STXBP4: variants seen among roughly 807,000 people sequenced by gnomAD.
STXBP4 encodes syntaxin binding protein 4.
In STXBP4, 55 loss-of-function variants were observed where a neutral mutation model predicts 76.1. The observed-to-expected ratio is 0.72, with a 90% CI of 0.58 to 0.91. The LOEUF (loss-of-function observed/expected upper bound fraction) is 0.91, where lower values mean the gene tolerates loss of function less well. STXBP4 is among the 40% of genes least tolerant of loss of function. The probability of loss-of-function intolerance (pLI) is 0.00; values close to 1 mark genes in which losing one functional copy is unlikely to be tolerated. For missense variants in STXBP4, 618 were observed against 636.9 expected (o/e 0.97, Z 0.32); for synonymous variants, 201 against 220.2 (o/e 0.91, Z 0.77).
At chr17:55,014,003 G>A (rs1028479366) in intron 8 of STXBP4, among the ~76,000 whole-genome samples, 4 of 152,146 alleles carry the variant, frequency 2.6e-5, no homozygotes, top group Admixed American at 6.5e-5. Flanking sequence ...GAGGGACAAC[G>A]GCCTCATTGA....
At chr17:55,102,209 GGTGGTT>G (rs1157552153) in intron 16 of STXBP4, among the ~76,000 whole-genome samples, 1 of 151,756 alleles carries the variant, frequency 6.6e-6, no homozygotes, top group African/African-American at 2.4e-5. Flanking sequence ...CACATGCCAT[GGTGGTT>G]TGCTGCAGCC....
intron 16 of STXBP4, among the ~76,000 whole-genome samples, chr17:55,094,518 A>G (rs907102029): frequency 1.3e-5 from 2 of 152,186 alleles, no homozygotes; most frequent in Non-Finnish European, 2.9e-5. Context: ...AAAAAGGATT[A>G]GTAGTGTGTC....
chr17:55,115,658 C>G (rs935961914), intron 16 of STXBP4, among the ~76,000 whole-genome samples: 1 of 151,820 alleles, frequency 6.6e-6, no homozygotes, highest in African/African-American at 2.4e-5. Flanking sequence ...GATACAATTA[C>G]TGCAAAAAGT....
chr17:55,054,121 A>G (rs1451655598), intron 12 of STXBP4, among the ~76,000 whole-genome samples: 3 of 152,178 alleles, frequency 2.0e-5, no homozygotes, highest in African/African-American at 7.2e-5. Context: ...GCTAATTTGT[A>G]TTAGAATTTA....
intron 17 of STXBP4, among the ~76,000 whole-genome samples, chr17:55,149,907 T>C (rs2080195364): frequency 6.6e-6 from 1 of 152,152 alleles, no homozygotes; most frequent in East Asian, 1.9e-4. Flanking sequence ...CAGACCTAAA[T>C]ATTCAGCATC....
intron 12 of STXBP4, among the ~76,000 whole-genome samples, chr17:55,070,584 G>T (rs2079108163): frequency 6.6e-6 from 1 of 152,192 alleles, no homozygotes; most frequent in Non-Finnish European, 1.5e-5. Flanking sequence ...CCTGCTGCCA[G>T]ATTTAGCTTT....
Position 55,023,916 on chromosome 17 carries a change from CAAAAAAAAAA to C in STXBP4, c.667-7237_667-7228del, listed in dbSNP as rs61454264. Among the ~76,000 whole-genome samples the C allele has an allele frequency of 1.3e-4, 8 of 62,232 alleles. No individual in the cohort carries two copies. In the East Asian group the frequency reaches 1.4e-3, roughly 11 times the overall value. The allele number at this position is 62,232 out of a possible 152,430, so 40.8% of individuals were successfully genotyped here. A position where few individuals can be genotyped will look rare whatever the true frequency, so the allele number is the denominator to read the frequency against. On this transcript the variant is annotated intron_variant, in intron 8 of 17. Transcript: ENST00000376352. ...TCTGCAAGGGCTGGTGGCCCTTTTC[CAAAAAAAAAA>C]AAAAAAAAAAAAAAGAAAACACTAG...
intron 7 of STXBP4, among the ~76,000 whole-genome samples, chr17:55,002,646 A>G (rs1431241646): frequency 6.6e-6 from 1 of 152,188 alleles, no homozygotes; most frequent in Non-Finnish European, 1.5e-5. Flanking sequence ...AGACATGAAC[A>G]AAGAGGCCTA....
chr17:54,983,438 A>C (rs1287590143), intron 1 of STXBP4, among the ~76,000 whole-genome samples: 1 of 152,076 alleles, frequency 6.6e-6, no homozygotes, highest in Non-Finnish European at 1.5e-5. Context: ...AAAGATGAGG[A>C]TCTTACTCAC....
In STXBP4 at chr17:55,047,086, T is replaced by C. The variant is rs758847171; in HGVS notation, c.946-3T>C. On this transcript the variant is annotated splice_region_variant and splice_polypyrimidine_tract_variant and intron_variant, in intron 11 of 17. Transcript: ENST00000376352. Reference sequence around the variant, plus strand: ...TTGTTAATTTGGTGGTTTTTAAATATAGGAAAAATTATTGGAATCAGATAA... The same window carrying C: ...TTGTTAATTTGGTGGTTTTTAAATACAGGAAAAATTATTGGAATCAGATAA... The C allele has an allele frequency of 2.5e-6, 4 of 1,592,184 alleles. No homozygotes were observed. Among genetic ancestry groups the C allele is most frequent in the Middle Eastern group, 1.7e-4 (1 of 6,014 alleles).
chr17:55,084,242 C>T (rs918353645), intron 16 of STXBP4, among the ~76,000 whole-genome samples: 9 of 152,156 alleles, frequency 5.9e-5, no homozygotes, highest in African/African-American at 2.2e-4. Flanking sequence ...TGATGGTGAG[C>T]ATTTTTTCAT....
chr17:55,108,722 C>T (rs1310283215), intron 16 of STXBP4, among the ~76,000 whole-genome samples: 2 of 152,254 alleles, frequency 1.3e-5, no homozygotes, highest in East Asian at 3.9e-4. Flanking sequence ...TTCTGCTCAC[C>T]CTCCATGGGC....
intron 1 of STXBP4, among the ~76,000 whole-genome samples, chr17:54,983,144 T>A (rs2077574008): frequency 6.6e-6 from 1 of 152,116 alleles, no homozygotes; most frequent in South Asian, 2.1e-4. Flanking sequence ...ATGACTTAGA[T>A]CCCAGGTTAC....
Position 55,163,452 on chromosome 17 carries a change from G to A in STXBP4, c.*3541G>A, listed in dbSNP as rs1329520485. 3 of 152,100 alleles carry A rather than the reference G, an allele frequency of 2.0e-5. No homozygotes were observed. Among genetic ancestry groups the A allele is most frequent in the East Asian group, 1.9e-4 (1 of 5,194 alleles). The allele number at this position is 152,100 out of a possible 1,614,324, so 9.4% of individuals were successfully genotyped here. On this transcript the variant is annotated 3_prime_UTR_variant, in exon 18 of 18. Coordinates refer to ENST00000376352, the MANE Select transcript of STXBP4 (RefSeq NM_178509.6). ...CCAACTTTCAAATGAGCTAACTTGG[G>A]TGAGACGTTCACTAAAGTACCAAGC...
intron 16 of STXBP4, among the ~76,000 whole-genome samples, chr17:55,088,766 A>G (rs2079372514): frequency 1.3e-5 from 2 of 152,296 alleles, no homozygotes; most frequent in South Asian, 2.1e-4. Flanking sequence ...TTCTTCCCAG[A>G]AATGTGAGAT....
At chr17:55,145,066 T>C (rs2080137274) in intron 17 of STXBP4, among the ~76,000 whole-genome samples, 1 of 152,244 alleles carries the variant, frequency 6.6e-6, no homozygotes, top group South Asian at 2.1e-4. Flanking sequence ...GGTGGGAGTT[T>C]CTTTATGGTT....
Position 55,072,959 on chromosome 17 carries a change from A to C in STXBP4, c.1071A>C (p.Glu357Asp), listed in dbSNP as rs1402042510. 2 of 1,613,916 alleles carry C rather than the reference A, an allele frequency of 1.2e-6. No individual in the cohort carries two copies. Among genetic ancestry groups the C allele is most frequent in the Admixed American group, 1.7e-5 (1 of 59,990 alleles). Residue 357 changes from glutamate (E) to aspartate (D), a missense_variant, in exon 13 of 18, where the codon GAA becomes GAC. Physicochemically the swap from Glu to Asp is conservative, Grantham distance 45. Coordinates refer to ENST00000376352, the MANE Select transcript of STXBP4 (RefSeq NM_178509.6). ...RALRSRIHLA[E>D]AAQRQAHGME... is the part of the protein sequence containing the mutation. ...TGCGTAGTCGGATTCATCTTGCTGA[A>C]GCTGCTCAGAGACAGGCACATGGAA... is the stretch of plus-strand genomic sequence containing the variant.
At position 55,170,947 on chromosome 17, in the gene STXBP4, C is replaced by A. The variant is rs1409525454; in HGVS notation, c.*11036C>A. ...TTTCATGACAGAGAAAGACTGGGGC[C>A]AATTCTGTGATTATGGATGTCAACT... On this transcript the variant is annotated 3_prime_UTR_variant, in exon 18 of 18. Coordinates refer to ENST00000376352, the MANE Select transcript of STXBP4 (RefSeq NM_178509.6). The A allele has an allele frequency of 1.3e-5, 2 of 152,142 alleles. No individual in the cohort carries two copies. Among genetic ancestry groups the A allele is most frequent in the Non-Finnish European group, 2.9e-5 (2 of 68,020 alleles). The allele number at this position is 152,142 out of a possible 1,614,324, so 9.4% of individuals were successfully genotyped here.
chr17:55,002,109 C>T (rs2077930943), intron 7 of STXBP4, among the ~76,000 whole-genome samples: 1 of 152,088 alleles, frequency 6.6e-6, no homozygotes, highest in Admixed American at 6.5e-5. Context: ...AATTAATTTC[C>T]AGTCTCTGCA....
Sources: allele counts gnomAD v4.1 joint callset (sites outside exome capture counted in the v4.1 genomes callset), GRCh38; gene constraint gnomAD v4.1.1; transcripts MANE v1.5; gene names NCBI Gene and HGNC (gene_info 2026-07-23, HGNC 2026-07-21).